RBL2: variants seen among roughly 807,000 people sequenced by gnomAD.
RBL2 encodes retinoblastoma-like protein 2.
Under a neutral mutation model 126.0 loss-of-function variants are expected in RBL2, and 56 were observed. That is an observed-to-expected ratio of 0.44 (90% confidence interval 0.36 to 0.56). RBL2 has a LOEUF of 0.56. RBL2 is among the 20% of genes least tolerant of loss of function. RBL2 has a pLI of 0.00. For missense variants in RBL2, 1,229 were observed against 1,398.2 expected, an observed-to-expected ratio of 0.88 and a Z score of 1.93; for synonymous variants, 454 against 478.5, an observed-to-expected ratio of 0.95 and a Z score of 0.67.
rs778698810 is a variant in RBL2, at chr16:53,465,544, A to G, written c.1805A>G (p.Glu602Gly). ...TTAGATCATTTGGCATGGAAACCAGAGTCTCCACTCTGGGAAAAAATTAGA... is the reference window on the plus strand; with the variant it reads ...TTAGATCATTTGGCATGGAAACCAGGGTCTCCACTCTGGGAAAAAATTAGA... ...QILDHLAWKP[E>G]SPLWEKIRDN... is the part of the protein sequence containing the mutation. The change falls in exon 13 of 22, where the codon GAG becomes GGG. Residue 602 changes from glutamate (E) to glycine (G), a missense_variant. Glu to Gly is a moderately conservative substitution (Grantham distance 98). Coordinates refer to ENST00000262133, the MANE Select transcript of RBL2 (RefSeq NM_005611.4). 3 of 1,606,074 alleles carry G rather than the reference A, an allele frequency of 1.9e-6. No homozygotes were observed. In the East Asian group the frequency reaches 6.8e-5, roughly 36 times the overall value.
chr16:53,484,842 CAAT>C (rs937524215), intron 21 of RBL2, among the ~76,000 whole-genome samples: 10 of 152,088 alleles, frequency 6.6e-5, no homozygotes, highest in African/African-American at 2.4e-4. Context: ...AATTATATCT[CAAT>C]AAAGCTGGAA....
intron 9 of RBL2, among the ~76,000 whole-genome samples, chr16:53,461,006 C>G (rs190080692): frequency 1.1e-4 from 17 of 152,248 alleles, no homozygotes; most frequent in African/African-American, 3.1e-4. Flanking sequence ...TTATGTGAGT[C>G]TGTAGTATGG....
chr16:53,451,588 T>G (rs1279160893), intron 4 of RBL2, 115 bp from the exon 5 acceptor site: 1 of 1,144,028 alleles, frequency 8.7e-7, no homozygotes, highest in Non-Finnish European at 1.2e-6. Flanking sequence ...CTTATTGTAA[T>G]GAGTCAATTT....
intron 20 of RBL2, 70 bp from the exon 21 acceptor site, chr16:53,481,601 A>T (rs1027552452): frequency 1.9e-5 from 26 of 1,339,272 alleles, no homozygotes; most frequent in East Asian, 2.5e-5. Context: ...CTCTTCACTC[A>T]ATAATCATTT....
chr16:53,476,624 C>T (rs1181821192), intron 17 of RBL2, among the ~76,000 whole-genome samples: 1 of 152,180 alleles, frequency 6.6e-6, no homozygotes. Context: ...CTACTTTTCC[C>T]TTCACTTCTG....
intron 17 of RBL2, among the ~76,000 whole-genome samples, chr16:53,473,694 T>C (rs934422477): frequency 6.6e-6 from 1 of 152,080 alleles, no homozygotes; most frequent in African/African-American, 2.4e-5. Context: ...AACAGAACTG[T>C]CGAAAGCAGA....
At chr16:53,447,488 A>G (rs1306375612) in intron 4 of RBL2, among the ~76,000 whole-genome samples, 1 of 151,440 alleles carries the variant, frequency 6.6e-6, no homozygotes, top group Non-Finnish European at 1.5e-5. Flanking sequence ...AGCTGTTCAG[A>G]TTTTTTTTTG....
At chr16:53,441,154 T>C (rs978312406) in intron 2 of RBL2, among the ~76,000 whole-genome samples, 5 of 151,922 alleles carry the variant, frequency 3.3e-5, no homozygotes, top group Admixed American at 6.6e-5. Flanking sequence ...GAGACCAGGT[T>C]TCACCGTGTT....
intron 21 of RBL2, among the ~76,000 whole-genome samples, chr16:53,486,001 G>T (rs549930111): frequency 6.6e-6 from 1 of 151,252 alleles, no homozygotes; most frequent in African/African-American, 2.4e-5. Flanking sequence ...AAAGAACAAC[G>T]TAATGCCAGC....
At chr16:53,455,581 A>AGTT in intron 8 of RBL2, among the ~76,000 whole-genome samples, 1 of 152,238 alleles carries the variant, frequency 6.6e-6, no homozygotes, top group East Asian at 1.9e-4. Context: ...ACAGGAGATA[A>AGTT]ACAAGTAAAT....
intron 17 of RBL2, among the ~76,000 whole-genome samples, chr16:53,475,437 A>C (rs2150819425): frequency 6.6e-6 from 1 of 152,192 alleles, no homozygotes; most frequent in East Asian, 1.9e-4. Context: ...GCTGGTCTCA[A>C]ACTCTTGGCC....
intron 3 of RBL2, among the ~76,000 whole-genome samples, chr16:53,444,266 A>G (rs1037378505): frequency 1.3e-5 from 2 of 149,996 alleles, no homozygotes; most frequent in African/African-American, 4.9e-5. Context: ...AAGTAAACAA[A>G]TAAAAGGAGG....
intron 4 of RBL2, chr16:53,449,144 A>G (rs1289937428): frequency 1.3e-5 from 2 of 152,172 alleles, no homozygotes; most frequent in African/African-American, 4.8e-5. Flanking sequence ...GCGGCTACAA[A>G]TTTTAGAATG....
Position 53,442,756 on chromosome 16 carries a change from C to T in RBL2, c.470C>T (p.Thr157Ile), listed in dbSNP as rs746762623. ...ERTERLERNFTVSAVIFKKYE... is the reference protein window; with the variant it reads ...ERTERLERNFIVSAVIFKKYE... Reference sequence around the variant, plus strand: ...ACTGAGAGATTAGAAAGAAACTTCACTGTTTCTGCTGTAATTTTTAAGAAA... The same window carrying T: ...ACTGAGAGATTAGAAAGAAACTTCATTGTTTCTGCTGTAATTTTTAAGAAA... Residue 157 changes from threonine (T) to isoleucine (I), a missense_variant, in exon 3 of 22, where the codon ACT becomes ATT. Coordinates refer to ENST00000262133, the MANE Select transcript of RBL2 (RefSeq NM_005611.4). 6.2e-7 allele frequency: 1 copy of T among 1,612,010 alleles called. No homozygotes were observed. Among genetic ancestry groups the T allele is most frequent in the Admixed American group, 1.7e-5 (1 of 59,986 alleles).
intron 21 of RBL2, among the ~76,000 whole-genome samples, chr16:53,483,251 G>A (rs956154650): frequency 1.3e-5 from 2 of 152,098 alleles, no homozygotes; most frequent in African/African-American, 2.4e-5. Context: ...TTGTAGGCTT[G>A]CAATCTTTTA....
chr16:53,461,829 G>A lies in RBL2; in HGVS notation c.1435G>A (p.Asp479Asn). 1.2e-6 allele frequency: 2 copies of A among 1,612,232 alleles called. No homozygotes were observed. Among genetic ancestry groups the A allele is most frequent in the Non-Finnish European group, 1.7e-6 (2 of 1,178,700 alleles). ...IYSQHFQPDE[D>N]FSNCAKEIAS... ...TTCTCAGCATTTCCAGCCAGACGAG[G>A]ATTTCAGTAATTGTGCTAAAGGTAA... Residue 479 changes from aspartate (D) to asparagine (N), a missense_variant, in exon 10 of 22, where the codon GAT (aspartate) becomes AAT (asparagine). By Grantham distance (23) the Asp-to-Asn change is conservative (BLOSUM62 1). Around this residue, in one of 2 missense-constraint regions of RBL2, gnomAD observed 1,070 missense variants for 1,274.3 expected, o/e 0.84. Transcript: ENST00000262133.
intron 14 of RBL2, among the ~76,000 whole-genome samples, chr16:53,469,549 T>C (rs1435534540): frequency 1.3e-5 from 2 of 152,086 alleles, no homozygotes; most frequent in East Asian, 1.9e-4. Flanking sequence ...GTGGATATGA[T>C]AGAAAATATT....
chr16:53,439,537 T>C (rs531699010), intron 2 of RBL2, among the ~76,000 whole-genome samples: 1 of 152,346 alleles, frequency 6.6e-6, no homozygotes, highest in South Asian at 2.1e-4. Flanking sequence ...GTGGTCTTAA[T>C]ATAAATGGAA....
At chr16:53,465,317 G>A in intron 12 of RBL2, 121 bp from the exon 13 acceptor site, 1 of 604,744 alleles carries the variant, frequency 1.7e-6, no homozygotes, top group South Asian at 7.2e-5. Context: ...TACAAAGACA[G>A]TAAAAGGAAG....
Sources: allele counts gnomAD v4.1 joint callset (sites outside exome capture counted in the v4.1 genomes callset), GRCh38; gene constraint gnomAD v4.1.1; regional missense constraint gnomAD v4.1.1; transcripts MANE v1.5; gene names NCBI Gene and HGNC (gene_info 2026-07-23, HGNC 2026-07-21).